BRINP2: variants seen among roughly 807,000 people sequenced by gnomAD.
BRINP2 encodes the protein BMP/retinoic acid-inducible neural-specific protein 2.
Under a neutral mutation model 69.2 loss-of-function variants are expected in BRINP2, and 21 were observed. The observed-to-expected ratio is 0.30, with a 90% CI of 0.22 to 0.44. The LOEUF (loss-of-function observed/expected upper bound fraction) is 0.44. BRINP2 is among the 20% of genes least tolerant of loss of function. The pLI, the probability that BRINP2 is intolerant of heterozygous loss-of-function variation, is 1.00. For missense variants in BRINP2, 877 were observed against 986.0 expected (o/e 0.89, Z 1.48); for synonymous variants, 380 against 394.1 (o/e 0.96, Z 0.42).
chr1:177,208,758 G>A (rs910968234), intron 1 of BRINP2, among the ~76,000 whole-genome samples: 2 of 152,138 alleles, frequency 1.3e-5, no homozygotes, highest in African/African-American at 4.8e-5. Flanking sequence ...ACACTGACGT[G>A]TTTGGGTCCC....
intron 1 of BRINP2, among the ~76,000 whole-genome samples, chr1:177,219,794 A>C (rs1031666113): frequency 6.6e-6 from 1 of 152,222 alleles, no homozygotes; most frequent in Non-Finnish European, 1.5e-5. Context: ...TTTTCAGCCT[A>C]CATAGTTATG....
intron 4 of BRINP2, among the ~76,000 whole-genome samples, chr1:177,262,209 A>G (rs2102351197): frequency 6.6e-6 from 1 of 152,270 alleles, no homozygotes; most frequent in South Asian, 2.1e-4. Flanking sequence ...GCATATTGAT[A>G]TACTGATTAA....
At chr1:177,205,386 G>T (rs575988488) in intron 1 of BRINP2, among the ~76,000 whole-genome samples, 1 of 152,276 alleles carries the variant, frequency 6.6e-6, no homozygotes, top group East Asian at 1.9e-4. Context: ...GACCTCAAGT[G>T]ATCTCTTTCA....
intron 2 of BRINP2, among the ~76,000 whole-genome samples, chr1:177,236,157 A>T (rs934176061): frequency 1.3e-5 from 2 of 148,494 alleles, no homozygotes; most frequent in African/African-American, 5.3e-5. Context: ...CGAAGAGACC[A>T]GTACTGCCTA....
intron 2 of BRINP2, among the ~76,000 whole-genome samples, chr1:177,248,431 C>T (rs1209089401): frequency 1.3e-5 from 2 of 150,626 alleles, no homozygotes; most frequent in African/African-American, 4.9e-5. Context: ...CACTGAGGTA[C>T]AGTTTGTGTG....
At chr1:177,267,637 A>G (rs545416026) in intron 4 of BRINP2, among the ~76,000 whole-genome samples, 19 of 152,286 alleles carry the variant, frequency 1.2e-4, no homozygotes, top group African/African-American at 3.6e-4. Flanking sequence ...ATAGTTTTCA[A>G]TTCTCTTGAG....
intron 2 of BRINP2, among the ~76,000 whole-genome samples, chr1:177,246,580 C>T (rs193121279): frequency 2.1e-3 from 317 of 152,250 alleles, no homozygotes; most frequent in African/African-American, 7.1e-3. Context: ...TCCTTTTGAG[C>T]AATAAAAGTT....
In BRINP2 at chr1:177,256,068, A is replaced by G. The variant is rs914880870; in HGVS notation, c.419A>G (p.Lys140Arg). The change falls in exon 3 of 8, where the codon AAA (lysine) becomes AGA (arginine). Residue 140 changes from lysine (K) to arginine (R), a missense_variant. By Grantham distance (26) the Lys-to-Arg change is conservative. Around this residue, in one of 3 missense-constraint regions of BRINP2, gnomAD observed 566 missense variants for 625.2 expected, o/e 0.91. Transcript: ENST00000361539. The stretch of plus-strand genomic sequence containing the variant: ...CAACAGGTTACAGAAAATCTGATTA[A>G]AAAGTACGGCACTCATTTCTTACTT... Reference protein sequence around the residue: ...NLQQVTENLIKKYGTHFLLSA... With the variant: ...NLQQVTENLIRKYGTHFLLSA... The G allele has an allele frequency of 6.2e-6, 10 of 1,614,054 alleles. No individual in the cohort carries two copies. Among genetic ancestry groups the G allele is most frequent in the Non-Finnish European group, 7.6e-6 (9 of 1,180,034 alleles).
At chr1:177,180,242 C>T (rs914246401) in intron 1 of BRINP2, among the ~76,000 whole-genome samples, 1 of 152,190 alleles carries the variant, frequency 6.6e-6, no homozygotes, top group African/African-American at 2.4e-5. Context: ...AACATTCAGA[C>T]TCTGGGCTCT....
At chr1:177,262,517 A>C (rs550646899) in intron 4 of BRINP2, among the ~76,000 whole-genome samples, 4 of 151,606 alleles carry the variant, frequency 2.6e-5, no homozygotes, top group African/African-American at 9.7e-5. Context: ...TCTGGAAAAA[A>C]AAAAAAAGCC....
At chr1:177,223,412 A>G (rs140521987) in intron 1 of BRINP2, among the ~76,000 whole-genome samples, 620 of 152,264 alleles carry the variant, frequency 4.1e-3, no homozygotes, top group Non-Finnish European at 6.0e-3. Context: ...TTCCTGCCCT[A>G]TGAAAGCAAA....
At chr1:177,273,353 C>T (rs892039335) in intron 4 of BRINP2, 135 bp from the exon 5 acceptor site, 18 of 515,278 alleles carry the variant, frequency 3.5e-5, no homozygotes, top group Admixed American at 1.1e-4. Flanking sequence ...CTCTGGAGTA[C>T]GAAAAGGGAC....
At chr1:177,259,326 A>G (rs1303056773) in intron 4 of BRINP2, among the ~76,000 whole-genome samples, 1 of 152,066 alleles carries the variant, frequency 6.6e-6, no homozygotes, top group African/African-American at 2.4e-5. Flanking sequence ...GCTACAGAAA[A>G]ATGTTTGAAG....
In BRINP2 at chr1:177,276,197, G is replaced by A. The variant is rs1292518704; in HGVS notation, c.776-1G>A. 1 of 1,610,480 alleles carries A rather than the reference G, an allele frequency of 6.2e-7. No homozygotes were observed. Among genetic ancestry groups the A allele is most frequent in the East Asian group, 2.2e-5 (1 of 44,792 alleles). On this transcript the variant is annotated splice_acceptor_variant, in intron 5 of 7. Transcript: ENST00000361539. LOFTEE classifies it high-confidence loss of function. Reference sequence around the variant, plus strand: ...GATTCCTTGACACATCCTTTCCCCAGGCCTTCAGGTGCTGCTGCCTGAGTA... The same window carrying A: ...GATTCCTTGACACATCCTTTCCCCAAGCCTTCAGGTGCTGCTGCCTGAGTA...
chr1:177,270,896 T>C (rs966873154), intron 4 of BRINP2, among the ~76,000 whole-genome samples: 2 of 152,146 alleles, frequency 1.3e-5, no homozygotes, highest in African/African-American at 4.8e-5. Context: ...ATATAGAAAG[T>C]GAAGACTTCA....
At chr1:177,250,174 T>A (rs1160703099) in intron 2 of BRINP2, among the ~76,000 whole-genome samples, 1 of 152,212 alleles carries the variant, frequency 6.6e-6, no homozygotes, top group African/African-American at 2.4e-5. Context: ...GCCTTCTGAG[T>A]AACTGGGACT....
intron 5 of BRINP2, among the ~76,000 whole-genome samples, chr1:177,274,288 G>T (rs891531876): frequency 2.0e-5 from 3 of 152,214 alleles, no homozygotes; most frequent in African/African-American, 7.2e-5. Flanking sequence ...CATCCTGGGG[G>T]CAGGGCTATG....
intron 4 of BRINP2, among the ~76,000 whole-genome samples, chr1:177,259,453 A>G (rs1305360948): frequency 6.6e-6 from 1 of 152,216 alleles, no homozygotes; most frequent in Non-Finnish European, 1.5e-5. Flanking sequence ...AGATCTAGCG[A>G]AGATCATTGA....
Position 177,281,140 on chromosome 1 carries a change from A to G in BRINP2, c.1964A>G (p.Asp655Gly). Residue 655 changes from aspartate (D) to glycine (G), a missense_variant, in exon 8 of 8, where the codon GAC (aspartate) becomes GGC (glycine). Around this residue, in one of 3 missense-constraint regions of BRINP2, gnomAD observed 225 missense variants for 218.7 expected, o/e 1.03. Coordinates refer to ENST00000361539, the MANE Select transcript of BRINP2 (RefSeq NM_021165.4). ...CGGAGCCGAATCAAGTCCCTGGATG[A>G]CAGCTCCAATGAGACAATCTACTAT... ...YLRSRIKSLD[D>G]SSNETIYYEP... 1.2e-6 allele frequency: 2 copies of G among 1,614,234 alleles called. No individual in the cohort carries two copies. Among genetic ancestry groups the G allele is most frequent in the Non-Finnish European group, 1.7e-6 (2 of 1,180,044 alleles).
Sources: allele counts gnomAD v4.1 joint callset (sites outside exome capture counted in the v4.1 genomes callset), GRCh38; gene constraint gnomAD v4.1.1; regional missense constraint gnomAD v4.1.1; transcripts MANE v1.5; gene names NCBI Gene and HGNC (gene_info 2026-07-23, HGNC 2026-07-21).